Variants in DDX17 observed in about 807,000 individuals in gnomAD.
The protein encoded by DDX17 is DEAD-box helicase 17, also known as probable ATP-dependent RNA helicase DDX17.
A neutral mutation model predicts 80.8 loss-of-function variants in DDX17; 10 were observed. The ratio of observed to expected loss-of-function variants is 0.12; its 90% confidence interval spans 0.08 to 0.21. The LOEUF (loss-of-function observed/expected upper bound fraction) is 0.21, where lower values mean the gene tolerates loss of function less well. DDX17 is among the 10% of genes least tolerant of loss of function. The probability of loss-of-function intolerance (pLI) is 1.00; values close to 1 mark genes in which losing one functional copy is unlikely to be tolerated. For synonymous variants in DDX17, 339 were observed against 336.2 expected, an observed-to-expected ratio of 1.01 and a Z score of -0.09; for missense variants, 586 against 957.4, an observed-to-expected ratio of 0.61 and a Z score of 5.12.
rs771039721 is a variant in DDX17, at chr22:38,497,323, G to C, written c.738+762C>G. ...AAAAAAAAAAAAAAAAAAAAAAAAA[G>C]TACACATTCAATGCCAGGCGCGGTG... On this transcript the variant is annotated intron_variant, in intron 5 of 12. Transcript: ENST00000403230. Among the ~76,000 whole-genome samples, 281 of 41,618 alleles carry C rather than the reference G, an allele frequency of 6.8e-3. 4 individuals are homozygous for C. The highest frequency in any genetic ancestry group is 0.025 in the African/African-American group (272 of 10,866). The allele number at this position is 41,618 out of a possible 152,430, so 27.3% of individuals were successfully genotyped here.
intron 1 of DDX17, among the ~76,000 whole-genome samples, chr22:38,503,656 A>G (rs2089852397): frequency 1.3e-5 from 2 of 152,222 alleles, no homozygotes; most frequent in Non-Finnish European, 2.9e-5. Context: ...ATGCTGCTCA[A>G]ATGTTTTTAT....
intron 6 of DDX17, 113 bp downstream of exon 6, chr22:38,495,683 A>C (rs1266876654): frequency 1.2e-6 from 1 of 822,800 alleles, no homozygotes; most frequent in African/African-American, 1.8e-5. Context: ...AGAATTTCTA[A>C]GCTGCTGAAA....
At chr22:38,486,553 A>T in intron 12 of DDX17, 113 bp from the exon 13 acceptor site, 1 of 1,406,154 alleles carries the variant, frequency 7.1e-7, no homozygotes, top group Non-Finnish European at 9.4e-7. Context: ...ATATTTAGTT[A>T]TGCTGGCCAG....
chr22:38,498,569 A>G lies in DDX17; in HGVS notation c.543T>C (p.Tyr181=), dbSNP rs2089792517. The G allele has an allele frequency of 1.2e-6, 2 of 1,613,896 alleles. No individual in the cohort carries two copies. The highest frequency in any genetic ancestry group is 1.7e-6 in the Non-Finnish European group (2 of 1,179,802). ...GCTGATCCATCAACACATCCATTAC[A>G]TATTCTGTAAGAGAATTTTATTTTG... Residue 181 remains tyrosine, a synonymous_variant, in exon 4 of 13, where the codon TAT becomes TAC. Transcript: ENST00000403230.
chr22:38,492,161 A>G (rs200273570), intron 10 of DDX17, 46 bp from the exon 11 acceptor site: 22 of 1,517,644 alleles, frequency 1.4e-5, no homozygotes, highest in Admixed American at 3.6e-5. Flanking sequence ...ATTCCTTGCT[A>G]TCTGATCTGT....
intron 2 of DDX17, 23 bp downstream of exon 2, chr22:38,501,102 GTACAT>G: frequency 6.2e-7 from 1 of 1,608,436 alleles, no homozygotes; most frequent in Non-Finnish European, 8.5e-7. Context: ...TCAATAATCT[GTACAT>G]TAAAACACAC....
At chr22:38,502,779 T>C (rs941834412) in intron 1 of DDX17, among the ~76,000 whole-genome samples, 1 of 152,216 alleles carries the variant, frequency 6.6e-6, no homozygotes, top group African/African-American at 2.4e-5. Flanking sequence ...CTGTATAGCA[T>C]TTTCTCAGTT....
intron 11 of DDX17, 73 bp downstream of exon 11, chr22:38,491,983 C>T (rs945266718): frequency 2.7e-6 from 3 of 1,106,056 alleles, no homozygotes; most frequent in Non-Finnish European, 3.9e-6. Context: ...AACTTGAAGT[C>T]TGAATTTGAA....
chr22:38,494,350 C>G (rs1050301846), intron 8 of DDX17: 3 of 586,416 alleles, frequency 5.1e-6, no homozygotes, highest in Non-Finnish European at 8.9e-6. Context: ...GGTATTACTC[C>G]CATTTCACAG....
chr22:38,493,617 C>T, intron 10 of DDX17, 93 bp downstream of exon 10: 1 of 1,031,538 alleles, frequency 9.7e-7, no homozygotes, highest in Admixed American at 1.9e-5. Flanking sequence ...TGGCCCTTTA[C>T]AGAAAGTTTG....
At chr22:38,493,557 C>CT (rs2089733151) in intron 10 of DDX17, 153 bp downstream of exon 10, 3 of 643,740 alleles carry the variant, frequency 4.7e-6, no homozygotes, top group Non-Finnish European at 8.4e-6. Context: ...TGCTGAGTGG[C>CT]TATAACAGAG....
At chr22:38,504,056 A>C (rs1319432638) in intron 1 of DDX17, among the ~76,000 whole-genome samples, 3 of 152,248 alleles carry the variant, frequency 2.0e-5, no homozygotes, top group Non-Finnish European at 4.4e-5. Flanking sequence ...ATATTAAACC[A>C]AACACCAATG....
rs1456321366 is a variant in DDX17, at chr22:38,506,049, C to T, written c.189G>A (p.Pro63=). The change falls in exon 1 of 13, where the codon CCG becomes CCA. Residue 63 remains proline, a synonymous_variant. Transcript: ENST00000403230. ...GGAGCGGGGCACGGATGGCCGGGCTCGGGAGGGCCTGCGGCTCCGGTCTGG... is the reference window on the plus strand; with the variant it reads ...GGAGCGGGGCACGGATGGCCGGGCTTGGGAGGGCCTGCGGCTCCGGTCTGG... 8.2e-6 allele frequency: 13 copies of T among 1,585,614 alleles called. No individual in the cohort carries two copies. Among genetic ancestry groups the T allele is most frequent in the East Asian group, 6.9e-5 (3 of 43,568 alleles).
intron 8 of DDX17, 87 bp from the exon 9 acceptor site, chr22:38,494,218 G>A (rs1303168245): frequency 3.3e-6 from 3 of 918,670 alleles, no homozygotes; most frequent in African/African-American, 1.7e-5. Context: ...CAAGGCTACA[G>A]TACTTTCTTT....
chr22:38,505,083 A>T (rs1007651115), intron 1 of DDX17: 4 of 152,130 alleles, frequency 2.6e-5, no homozygotes, highest in African/African-American at 4.8e-5. Flanking sequence ...TAATTTTGTT[A>T]TTTTTAGTAG....
At chr22:38,497,858 G>A (rs1028089289) in intron 5 of DDX17, among the ~76,000 whole-genome samples, 3 of 152,136 alleles carry the variant, frequency 2.0e-5, no homozygotes, top group Admixed American at 1.3e-4. Context: ...CATACAGCAT[G>A]CATGGTTTCT....
intron 5 of DDX17, among the ~76,000 whole-genome samples, chr22:38,497,879 G>C (rs551585973): frequency 6.6e-6 from 1 of 152,312 alleles, no homozygotes; most frequent in East Asian, 1.9e-4. Context: ...TTAAGAGTAA[G>C]ACTTTGGTTC....
At position 38,486,256 on chromosome 22, in the gene DDX17, A is replaced by C; in HGVS notation, c.1869T>G (p.Asn623Lys). The C allele has an allele frequency of 6.2e-7, 1 of 1,614,202 alleles. No individual in the cohort carries two copies. The highest frequency in any genetic ancestry group is 8.5e-7 in the Non-Finnish European group (1 of 1,180,042). Residue 623 changes from asparagine to lysine, a missense_variant, in exon 13 of 13, where the codon AAT becomes AAG. Coordinates refer to ENST00000403230, the MANE Select transcript of DDX17 (RefSeq NM_006386.5). ...GGCCTGCTTGTGCTCCAAAGGCAGA[A>C]TTTGGACTTCCATAGCCACTGCCAT...
intron 11 of DDX17, chr22:38,490,732 T>A (rs1162985226): frequency 4.6e-6 from 1 of 216,574 alleles, no homozygotes; most frequent in Non-Finnish European, 9.5e-6. Flanking sequence ...AATTCTGCCA[T>A]TTTGGTGGGT....
Sources: gnomAD v4.1 joint callset for allele counts (sites outside exome capture counted in the v4.1 genomes callset) on GRCh38, gnomAD v4.1.1 for gene constraint, MANE v1.5 for transcripts, NCBI Gene and HGNC (gene_info 2026-07-23, HGNC 2026-07-21) for gene names.